Variants in EYA4 observed in about 807,000 individuals in gnomAD.
EYA4 encodes the protein protein phosphatase EYA4.
A neutral mutation model predicts 87.9 loss-of-function variants in EYA4; 31 were observed. The observed-to-expected ratio is 0.35, with a 90% CI of 0.27 to 0.48. EYA4 has a LOEUF of 0.48. Among genes scored for constraint, EYA4 ranks in the 20% least tolerant of loss-of-function variants. EYA4 has a pLI of 0.99. For missense variants in EYA4, 678 were observed against 761.4 expected, an observed-to-expected ratio of 0.89 and a Z score of 1.29; for synonymous variants, 263 against 270.6, an observed-to-expected ratio of 0.97 and a Z score of 0.28.
chr6:133,399,051 C>T (rs148122102), intron 3 of EYA4, among the ~76,000 whole-genome samples: 2,456 of 152,236 alleles, frequency 0.016, 54 homozygotes, highest in Non-Finnish European at 0.023. Context: ...GACTTTTCCT[C>T]TCTTATTTTG....
At chr6:133,303,604 A>C (rs1779581356) in intron 2 of EYA4, among the ~76,000 whole-genome samples, 1 of 152,174 alleles carries the variant, frequency 6.6e-6, no homozygotes, top group African/African-American at 2.4e-5. Flanking sequence ...TTGAATACTG[A>C]TACACAGTAA....
intron 13 of EYA4, among the ~76,000 whole-genome samples, chr6:133,484,147 G>C (rs1224707842): frequency 6.6e-6 from 1 of 152,152 alleles, no homozygotes; most frequent in African/African-American, 2.4e-5. Flanking sequence ...GGCAATAACT[G>C]TTTAAGTCTT....
At chr6:133,308,385 A>T (rs1021732037) in intron 2 of EYA4, among the ~76,000 whole-genome samples, 1 of 152,158 alleles carries the variant, frequency 6.6e-6, no homozygotes, top group Non-Finnish European at 1.5e-5. Flanking sequence ...TTCAGTAATT[A>T]AAAAAAACTT....
intron 3 of EYA4, among the ~76,000 whole-genome samples, chr6:133,417,906 G>A (rs1789876853): frequency 6.6e-6 from 1 of 152,134 alleles, no homozygotes; most frequent in African/African-American, 2.4e-5. Context: ...CAAGCATGTA[G>A]GGTCTGAATT....
At chr6:133,411,564 T>TAC (rs1491082612) in intron 3 of EYA4, among the ~76,000 whole-genome samples, 2 of 135,998 alleles carry the variant, frequency 1.5e-5, no homozygotes, top group Admixed American at 6.9e-5. Context: ...TCTGTCTATC[T>TAC]ATATATATAT....
In EYA4 at chr6:133,448,381, C is replaced by T. The variant is rs137926034; in HGVS notation, c.277+202C>T. ...TCTGTATTCTTAGATTTTTTTAGGT[C>T]AGTAGTATTAGTATTCTTTTCTTAA... On this transcript the variant is annotated intron_variant, in intron 5 of 19. Coordinates refer to ENST00000355286, the MANE Select transcript of EYA4 (RefSeq NM_004100.5). Among the ~76,000 whole-genome samples the T allele has an allele frequency of 5.6e-3, 855 of 152,182 alleles. 10 individuals are homozygous for T. Among genetic ancestry groups the T allele is most frequent in the African/African-American group, 0.019 (794 of 41,526 alleles).
At chr6:133,298,929 CTCTGCTGTGGAT>C (rs1386389223) in intron 2 of EYA4, among the ~76,000 whole-genome samples, 9 of 152,164 alleles carry the variant, frequency 5.9e-5, no homozygotes, top group Admixed American at 2.0e-4. Context: ...GTATCCACAG[CTCTGCTGTGGAT>C]AAAGATAAGT....
intron 3 of EYA4, among the ~76,000 whole-genome samples, chr6:133,433,103 G>A (rs1288220327): frequency 2.0e-5 from 3 of 152,062 alleles, no homozygotes; most frequent in Non-Finnish European, 4.4e-5. Context: ...CTCTTCAATT[G>A]TATTTTTGTA....
rs753132753 is a variant in EYA4, at chr6:133,448,162, C to T, written c.260C>T (p.Thr87Ile). 9.3e-6 allele frequency: 15 copies of T among 1,612,810 alleles called. No homozygotes were observed. Among genetic ancestry groups the T allele is most frequent in the Non-Finnish European group, 1.2e-5 (14 of 1,178,936 alleles). ...GCAGACTGGTTGCTGAGTTGCAACA[C>T]CCCCTCTTCTGCAACAAGTATGAGA... ...NTADWLLSCNTPSSATMSLLA... is the reference protein window; with the variant it reads ...NTADWLLSCNIPSSATMSLLA... Residue 87 changes from threonine to isoleucine, a missense_variant, in exon 5 of 20, where the codon ACC (threonine) becomes ATC (isoleucine). Physicochemically the swap from Thr to Ile is moderately conservative, Grantham distance 89. Transcript: ENST00000355286.
chr6:133,434,437 T>A (rs551628668), intron 3 of EYA4, among the ~76,000 whole-genome samples: 1 of 152,176 alleles, frequency 6.6e-6, no homozygotes, highest in Non-Finnish European at 1.5e-5. Context: ...GTAATAAAAT[T>A]TATGAAGGAT....
At chr6:133,343,591 C>G (rs944542061) in intron 2 of EYA4, among the ~76,000 whole-genome samples, 77 of 144,934 alleles carry the variant, frequency 5.3e-4, no homozygotes, top group African/African-American at 1.8e-3. Flanking sequence ...CCCCACCACC[C>G]TTGACCCTCT....
intron 3 of EYA4, among the ~76,000 whole-genome samples, chr6:133,427,810 T>C (rs185816074): frequency 1.3e-5 from 2 of 152,308 alleles, no homozygotes; most frequent in Admixed American, 1.3e-4. Flanking sequence ...TGTTCATTCA[T>C]CAAGGTTCAG....
At chr6:133,421,370 C>T (rs1193985195) in intron 3 of EYA4, among the ~76,000 whole-genome samples, 4 of 152,146 alleles carry the variant, frequency 2.6e-5, no homozygotes, top group South Asian at 2.1e-4. Context: ...AAACATGCCA[C>T]GGAGTCTAAA....
intron 3 of EYA4, among the ~76,000 whole-genome samples, chr6:133,426,666 C>G (rs377245167): frequency 1.3e-5 from 2 of 152,188 alleles, no homozygotes; most frequent in Non-Finnish European, 2.9e-5. Context: ...TTGTATAACA[C>G]AGTCTCCATT....
chr6:133,492,900 G>C (rs916572828), intron 13 of EYA4, among the ~76,000 whole-genome samples: 1 of 152,106 alleles, frequency 6.6e-6, no homozygotes, highest in African/African-American at 2.4e-5. Flanking sequence ...CCAAAGAAAT[G>C]AAAGATCTCT....
At chr6:133,461,202 G>A in intron 7 of EYA4, 22 bp downstream of exon 7, 2 of 1,559,728 alleles carry the variant, frequency 1.3e-6, no homozygotes, top group African/African-American at 2.7e-5. Flanking sequence ...GTAGATTCTT[G>A]CTTTAAATTG....
intron 13 of EYA4, 152 bp downstream of exon 13, chr6:133,483,267 CT>C: frequency 1.6e-6 from 1 of 606,670 alleles, no homozygotes. Flanking sequence ...TCTTATAGTT[CT>C]TTAATATGAA....
intron 2 of EYA4, among the ~76,000 whole-genome samples, chr6:133,294,063 A>ATATATATATATATATAT (rs1778746762): frequency 3.7e-5 from 3 of 81,778 alleles, no homozygotes; most frequent in Non-Finnish European, 5.3e-5. Flanking sequence ...ATATATATAT[A>ATATATATATATATATAT]ATTCTATTCT....
intron 2 of EYA4, among the ~76,000 whole-genome samples, chr6:133,369,808 A>G (rs997678167): frequency 2.6e-5 from 4 of 152,242 alleles, no homozygotes; most frequent in Admixed American, 6.5e-5. Flanking sequence ...GTTTACAACA[A>G]TGGGTTATGA....
Sources: allele counts gnomAD v4.1 joint callset (sites outside exome capture counted in the v4.1 genomes callset), GRCh38; gene constraint gnomAD v4.1.1; transcripts MANE v1.5; gene names NCBI Gene and HGNC (gene_info 2026-07-23, HGNC 2026-07-21).